The following ZNF536 variants were observed in gnomAD, a reference collection of about 807,000 sequenced individuals.
ZNF536 encodes the protein zinc finger protein 536.
Under a neutral mutation model 84.5 loss-of-function variants are expected in ZNF536, and 13 were observed. That is an observed-to-expected ratio of 0.15 (90% CI 0.10 to 0.24). ZNF536 has a LOEUF of 0.24. Ranked by LOEUF, ZNF536 falls within the 10% of genes least tolerant of loss-of-function variation. The probability of loss-of-function intolerance (pLI) is 1.00; values close to 1 mark genes in which losing one functional copy is unlikely to be tolerated. For synonymous variants in ZNF536, 811 were observed against 742.5 expected, an observed-to-expected ratio of 1.09 and a Z score of -1.50; for missense variants, 1,536 against 1,747.5, an observed-to-expected ratio of 0.88 and a Z score of 2.16.
At chr19:30,301,422 C>A (rs970658940) in intron 2 of ZNF536, among the ~76,000 whole-genome samples, 1 of 152,148 alleles carries the variant, frequency 6.6e-6, no homozygotes, top group Non-Finnish European at 1.5e-5. Flanking sequence ...GCCCTGGGTC[C>A]CTTCTGTTAT....
upstream of ZNF536, among the ~76,000 whole-genome samples, chr19:30,227,414 C>G (rs958289435): frequency 6.6e-6 from 1 of 152,092 alleles, no homozygotes; most frequent in South Asian, 2.1e-4. Flanking sequence ...GGCTGGGGGC[C>G]GAGAAAGAGC....
chr19:30,506,977 T>G (rs1196605240), intron 2 of ZNF536, among the ~76,000 whole-genome samples: 1 of 152,188 alleles, frequency 6.6e-6, no homozygotes, highest in East Asian at 1.9e-4. Flanking sequence ...ATCTTTTCAT[T>G]TTCACAAAAA....
chr19:30,368,785 C>T (rs570653829), upstream of ZNF536, among the ~76,000 whole-genome samples: 1 of 152,294 alleles, frequency 6.6e-6, no homozygotes, highest in African/African-American at 2.4e-5. Flanking sequence ...GAGAATCTCA[C>T]CGGGTCCAAG....
intron 2 of ZNF536, among the ~76,000 whole-genome samples, chr19:30,319,028 A>G (rs977831309): frequency 1.2e-4 from 18 of 152,376 alleles, no homozygotes; most frequent in Admixed American, 1.0e-3. Flanking sequence ...TAGCAAGTGA[A>G]TAGATGACAT....
intron 1 of ZNF536, among the ~76,000 whole-genome samples, chr19:30,405,171 A>T (rs894178340): frequency 3.3e-5 from 5 of 152,172 alleles, no homozygotes; most frequent in Non-Finnish European, 5.9e-5. Flanking sequence ...TCATGATGTC[A>T]TACATATCCT....
intron 2 of ZNF536, among the ~76,000 whole-genome samples, chr19:30,339,215 G>A (rs546507736): frequency 2.6e-5 from 4 of 152,298 alleles, no homozygotes; most frequent in Admixed American, 6.5e-5. Flanking sequence ...GAATCCGCAC[G>A]GAATTGTGCC....
chr19:30,538,418 A>G (rs1418446603), intron 3 of ZNF536, among the ~76,000 whole-genome samples: 1 of 152,232 alleles, frequency 6.6e-6, no homozygotes, highest in African/African-American at 2.4e-5. Flanking sequence ...TCGATCATGT[A>G]ACATCAATGG....
chr19:30,450,804 C>G (rs34468110), intron 2 of ZNF536, among the ~76,000 whole-genome samples: 2 of 152,176 alleles, frequency 1.3e-5, no homozygotes, highest in Non-Finnish European at 2.9e-5. Context: ...AAGGTTCCCC[C>G]TACGCCTCCC....
rs144016891 is a variant in ZNF536 at position 30,301,346 on chromosome 19, T to C, written c.-120+17205T>C. Among the ~76,000 whole-genome samples the C allele has an allele frequency of 2.0e-3, 301 of 152,310 alleles. 3 individuals carry two copies. The highest frequency in any genetic ancestry group is 6.9e-3 in the African/African-American group (286 of 41,556). On this transcript the variant is annotated intron_variant, in intron 2 of 5. Coordinates refer to the ZNF536 transcript ENST00000585628. ...GTGCCTCTGAGCCTCAGTTATTCTG[T>C]CTGCAAAATGGGGTAGCGGCGATGC...
intron 1 of ZNF536, among the ~76,000 whole-genome samples, chr19:30,589,805 T>C (rs1200333687): frequency 6.6e-6 from 1 of 152,180 alleles, no homozygotes; most frequent in African/African-American, 2.4e-5. Flanking sequence ...ATTAACCCTC[T>C]GGCACTTCCA....
intron 1 of ZNF536, among the ~76,000 whole-genome samples, chr19:30,652,119 A>G (rs1173679404): frequency 6.6e-6 from 1 of 152,204 alleles, no homozygotes; most frequent in Non-Finnish European, 1.5e-5. Context: ...TAACTTTGGA[A>G]CTCATATAAA....
At chr19:30,233,255 A>G (rs2144686489) in intron 1 of ZNF536, among the ~76,000 whole-genome samples, 1 of 152,110 alleles carries the variant, frequency 6.6e-6, no homozygotes, top group Admixed American at 6.5e-5. Context: ...CCTGACTGTG[A>G]CATGCAAACT....
chr19:30,595,467 T>C (rs2047430981), intron 1 of ZNF536, among the ~76,000 whole-genome samples: 2 of 152,030 alleles, frequency 1.3e-5, no homozygotes, highest in South Asian at 4.1e-4. Flanking sequence ...TTTAATTTTT[T>C]TGTAGATATG....
chr19:30,341,780 A>C (rs547951889), intron 2 of ZNF536, among the ~76,000 whole-genome samples: 1 of 152,202 alleles, frequency 6.6e-6, no homozygotes, highest in Non-Finnish European at 1.5e-5. Flanking sequence ...AAGTGCTCTA[A>C]AGGAAAGTAT....
At chr19:30,646,879 A>G (rs2049493235) in intron 1 of ZNF536, among the ~76,000 whole-genome samples, 1 of 152,184 alleles carries the variant, frequency 6.6e-6, no homozygotes, top group African/African-American at 2.4e-5. Context: ...AATTAATTAA[A>G]AAAACTCAGA....
chr19:30,420,636 C>G (rs978172564), intron 1 of ZNF536, among the ~76,000 whole-genome samples: 1 of 152,002 alleles, frequency 6.6e-6, no homozygotes, highest in African/African-American at 2.4e-5. Flanking sequence ...AAAACAAAAT[C>G]TTTTTACAAA....
At chr19:30,376,883 A>T (rs1219065647) in intron 1 of ZNF536, among the ~76,000 whole-genome samples, 1 of 152,062 alleles carries the variant, frequency 6.6e-6, no homozygotes, top group Non-Finnish European at 1.5e-5. Context: ...CTTCGGGTTC[A>T]TTGCTGCGCC....
chr19:30,410,388 T>A (rs1418074487), intron 1 of ZNF536, among the ~76,000 whole-genome samples: 1 of 151,982 alleles, frequency 6.6e-6, no homozygotes, highest in Non-Finnish European at 1.5e-5. Context: ...CTCCATTTAC[T>A]TTTTGTTCTT....
In ZNF536 at chr19:30,327,176, A is replaced by G. The variant is rs575230166; in HGVS notation, c.-119-25192A>G. Among the ~76,000 whole-genome samples, 14 of 152,316 alleles carry G rather than the reference A, an allele frequency of 9.2e-5. No homozygotes were observed. In the East Asian group the frequency reaches 2.3e-3, roughly 25 times the overall value. ...AAAAAGCCTTTTTTCCCCCTTATGC[A>G]ATTTAATCTCCTGTTTGCTTACAGC... On this transcript the variant is annotated intron_variant, in intron 2 of 5. Transcript: ENST00000585628.
Sources: allele counts gnomAD v4.1 joint callset (sites outside exome capture counted in the v4.1 genomes callset), GRCh38; gene constraint gnomAD v4.1.1; transcripts MANE v1.5; gene names NCBI Gene and HGNC (gene_info 2026-07-23, HGNC 2026-07-21).